Variants in UVRAG observed in about 807,000 individuals in gnomAD.
The protein encoded by UVRAG is UV radiation resistance associated, also known as UV radiation resistance-associated gene protein.
In UVRAG, 19 loss-of-function variants were observed where a neutral mutation model predicts 78.0. The ratio of observed to expected loss-of-function variants is 0.24; its 90% CI spans 0.17 to 0.36. UVRAG has a LOEUF of 0.36. UVRAG is among the 10% of genes least tolerant of loss of function. The pLI, the probability that UVRAG is intolerant of heterozygous loss-of-function variation, is 1.00. For synonymous variants in UVRAG, 323 were observed against 324.6 expected, an observed-to-expected ratio of 1.00 and a Z score of 0.05; for missense variants, 740 against 853.8, an observed-to-expected ratio of 0.87 and a Z score of 1.66.
At chr11:75,873,073 G>A (rs1208845387) in intron 3 of UVRAG, among the ~76,000 whole-genome samples, 1 of 152,220 alleles carries the variant, frequency 6.6e-6, no homozygotes, top group Non-Finnish European at 1.5e-5. Flanking sequence ...TCCTATGGGA[G>A]CATAGAGGAG....
intron 14 of UVRAG, among the ~76,000 whole-genome samples, chr11:76,138,811 ACTGT>A (rs1169191214): frequency 3.9e-5 from 6 of 152,176 alleles, no homozygotes; most frequent in African/African-American, 1.4e-4. Flanking sequence ...CACAGAATAG[ACTGT>A]CTGAGGTGGT....
intron 1 of UVRAG, among the ~76,000 whole-genome samples, chr11:75,844,136 C>G (rs2134708898): frequency 6.6e-6 from 1 of 152,142 alleles, no homozygotes; most frequent in Admixed American, 6.5e-5. Context: ...TGTGGATCTA[C>G]AAGGCCATAA....
chr11:75,849,280 C>T (rs1431947077), intron 1 of UVRAG, among the ~76,000 whole-genome samples: 3 of 151,628 alleles, frequency 2.0e-5, no homozygotes, highest in Non-Finnish European at 4.4e-5. Context: ...CCAAGGCGGG[C>T]GGATCACGAG....
At chr11:76,132,767 T>C (rs1952534981) in intron 14 of UVRAG, among the ~76,000 whole-genome samples, 1 of 152,130 alleles carries the variant, frequency 6.6e-6, no homozygotes, top group African/African-American at 2.4e-5. Flanking sequence ...AAACTTAATG[T>C]AGGCAGGAAG....
At chr11:76,064,568 G>A (rs562597901) in intron 12 of UVRAG, among the ~76,000 whole-genome samples, 1 of 152,226 alleles carries the variant, frequency 6.6e-6, no homozygotes, top group East Asian at 1.9e-4. Flanking sequence ...TCCTTTAGTA[G>A]AGAATAAATA....
rs377457433 is a variant in UVRAG at position 76,053,308 on chromosome 11, AACAC to A, written c.1227-12370_1227-12367del. Among the ~76,000 whole-genome samples the A allele has an allele frequency of 3.4e-3, 485 of 140,736 alleles. 2 individuals carry two copies. The highest frequency in any genetic ancestry group is 0.014 in the South Asian group (63 of 4,400). 92.3% of individuals were successfully genotyped at this position (140,736 alleles called of 152,430 possible). A position where few individuals can be genotyped will look rare whatever the true frequency, so the allele number is the denominator to read the frequency against. On this transcript the variant is annotated intron_variant, in intron 12 of 14. Coordinates refer to ENST00000356136, the MANE Select transcript of UVRAG (RefSeq NM_003369.4). ...GCAACAGAGTGAGACTCTGTCTCAA[AACAC>A]ACACACACACACACACACACACACA...
At chr11:76,056,456 A>G (rs1950986159) in intron 12 of UVRAG, among the ~76,000 whole-genome samples, 1 of 152,218 alleles carries the variant, frequency 6.6e-6, no homozygotes, top group South Asian at 2.1e-4. Flanking sequence ...TGTACATTTT[A>G]TACTCCCACT....
intron 13 of UVRAG, among the ~76,000 whole-genome samples, chr11:76,092,408 G>A (rs1399685113): frequency 1.3e-5 from 2 of 152,104 alleles, no homozygotes; most frequent in Non-Finnish European, 2.9e-5. Flanking sequence ...TTGAGGAATC[G>A]CCACACTGTC....
chr11:76,126,009 G>GTGC (rs550740519), intron 14 of UVRAG, among the ~76,000 whole-genome samples: 165 of 149,518 alleles, frequency 1.1e-3, no homozygotes, highest in African/African-American at 3.8e-3. Context: ...GAGTGCAGTG[G>GTGC]TGCGATCTCA....
intron 6 of UVRAG, among the ~76,000 whole-genome samples, chr11:75,949,714 T>TATATATATATATACACAC (rs59607906): frequency 5.1e-5 from 7 of 136,870 alleles, no homozygotes; most frequent in African/African-American, 2.0e-4. Flanking sequence ...TATATATATA[T>TATATATATATATACACAC]ACACACACAC....
At position 75,855,116 on chromosome 11, in the gene UVRAG, T is replaced by C. The variant is rs77986805; in HGVS notation, c.235+3116T>C. The stretch of plus-strand genomic sequence containing the variant: ...TAGTCATGGGGCTGGTTGAAGATCA[T>C]GTTAAAAAACTTGTCTAGAGATATG... On this transcript the variant is annotated intron_variant, in intron 2 of 14. Transcript: ENST00000356136. Among the ~76,000 whole-genome samples the C allele has an allele frequency of 3.5e-3, 534 of 152,378 alleles. 4 individuals are homozygous for C. Among genetic ancestry groups the C allele is most frequent in the African/African-American group, 0.012 (507 of 41,586 alleles).
intron 12 of UVRAG, among the ~76,000 whole-genome samples, chr11:76,036,928 A>G (rs1244722477): frequency 6.6e-6 from 1 of 152,198 alleles, no homozygotes. Flanking sequence ...CTTCCAGAGT[A>G]TAGTAGCATA....
chr11:76,028,082 C>G (rs1422552841), intron 12 of UVRAG, among the ~76,000 whole-genome samples: 1 of 152,120 alleles, frequency 6.6e-6, no homozygotes. Context: ...CACTTTGTGT[C>G]TCTGTCACAT....
chr11:76,016,731 A>G, intron 11 of UVRAG, 84 bp from the exon 12 acceptor site: 2 of 1,214,446 alleles, frequency 1.6e-6, no homozygotes, highest in Non-Finnish European at 2.2e-6. Context: ...TTTTTATAAA[A>G]TATTCTTTGA....
intron 1 of UVRAG, among the ~76,000 whole-genome samples, chr11:75,851,341 C>T (rs1946149272): frequency 6.6e-6 from 1 of 152,178 alleles, no homozygotes; most frequent in Admixed American, 6.5e-5. Context: ...AATGGAAGCT[C>T]ACAGCAGTTG....
At position 76,016,989 on chromosome 11, in the gene UVRAG, C is replaced by CT. The variant is rs751105095; in HGVS notation, c.1226+17dup. On this transcript the variant is annotated intron_variant, in intron 12 of 14. Coordinates refer to ENST00000356136, the MANE Select transcript of UVRAG (RefSeq NM_003369.4). ...ACGGAAAAGGAGAGAGAGTAAGTGT[C>CT]TTTTTTTTAAAAAAATGATTTTAAC... 6.5e-5 allele frequency: 102 copies of CT among 1,570,520 alleles called. No individual in the cohort carries two copies. Among genetic ancestry groups the CT allele is most frequent in the Admixed American group, 2.2e-4 (12 of 54,444 alleles).
At chr11:76,062,781 T>A (rs1324883454) in intron 12 of UVRAG, among the ~76,000 whole-genome samples, 1 of 152,234 alleles carries the variant, frequency 6.6e-6, no homozygotes. Flanking sequence ...ACTGACTACT[T>A]CATTGTTTCA....
At chr11:75,964,445 G>A (rs1359103427) in intron 7 of UVRAG, among the ~76,000 whole-genome samples, 1 of 152,200 alleles carries the variant, frequency 6.6e-6, no homozygotes, top group Non-Finnish European at 1.5e-5. Flanking sequence ...ATTAACTTTT[G>A]TAGCTTGTGT....
intron 14 of UVRAG, among the ~76,000 whole-genome samples, chr11:76,135,302 T>G (rs1354668258): frequency 6.6e-6 from 1 of 152,094 alleles, no homozygotes; most frequent in Admixed American, 6.5e-5. Flanking sequence ...TCTCTAGAGC[T>G]GAAGAGATAA....
Sources: allele counts gnomAD v4.1 joint callset (sites outside exome capture counted in the v4.1 genomes callset), GRCh38; gene constraint gnomAD v4.1.1; transcripts MANE v1.5; gene names NCBI Gene and HGNC (gene_info 2026-07-23, HGNC 2026-07-21).